NUP214: variants seen among roughly 807,000 people sequenced by gnomAD.
The protein encoded by NUP214 is nuclear pore complex protein Nup214.
NUP214 carries 79 observed loss-of-function variants against 196.2 expected under a neutral mutation model. The ratio of observed to expected loss-of-function variants is 0.40; its 90% confidence interval spans 0.34 to 0.49. The LOEUF (loss-of-function observed/expected upper bound fraction) is 0.49. Among genes scored for constraint, NUP214 ranks in the 20% least tolerant of loss-of-function variants. NUP214 has a pLI of 0.58. For missense variants in NUP214, 2,468 were observed against 2,539.0 expected (o/e 0.97, Z 0.60); for synonymous variants, 1,020 against 990.5 (o/e 1.03, Z -0.56).
intron 30 of NUP214, among the ~76,000 whole-genome samples, chr9:131,210,341 A>G (rs1046607360): frequency 6.6e-6 from 1 of 152,276 alleles, no homozygotes; most frequent in Admixed American, 6.5e-5. Context: ...AAAAAAACCA[A>G]TGGAAAGGCC....
At chr9:131,213,937 C>G (rs1374181614) in intron 30 of NUP214, among the ~76,000 whole-genome samples, 1 of 152,090 alleles carries the variant, frequency 6.6e-6, no homozygotes, top group Non-Finnish European at 1.5e-5. Context: ...GATGTCAGAG[C>G]AGTGGAAAAG....
intron 31 of NUP214, among the ~76,000 whole-genome samples, chr9:131,218,549 C>CG (rs1834467648): frequency 6.6e-6 from 1 of 152,094 alleles, no homozygotes; most frequent in African/African-American, 2.4e-5. Context: ...CTTCTTATCT[C>CG]TACCTTCTCT....
chr9:131,125,799 T>C lies in NUP214; in HGVS notation c.45+50T>C, dbSNP rs201369057. 6.5e-7 allele frequency: 1 copy of C among 1,545,556 alleles called. No homozygotes were observed. The highest frequency in any genetic ancestry group is 2.5e-5 in the East Asian group (1 of 40,492). On this transcript the variant is annotated intron_variant, in intron 1 of 35. Coordinates refer to ENST00000359428, the MANE Select transcript of NUP214 (RefSeq NM_005085.4). This position sits in a 1 kb window ranked among gnomAD's most constrained non-coding sequence, Gnocchi z 4.1. ...TCCCTTCTTTAGTCCTGGCGTTGCC[T>C]TGGAGCCCAGCTGAAAGGCGAAGCG...
chr9:131,212,782 GT>G (rs930712411), intron 30 of NUP214, among the ~76,000 whole-genome samples: 3 of 151,896 alleles, frequency 2.0e-5, no homozygotes, highest in Admixed American at 1.3e-4. Context: ...TGTAGTGATG[GT>G]TTTTTTTATA....
At position 131,162,944 on chromosome 9, in the gene NUP214, T is replaced by G. The variant is rs1164626706; in HGVS notation, c.2541-47T>G. On this transcript the variant is annotated intron_variant, in intron 18 of 35. Transcript: ENST00000359428. ...TTTGTTTTTTTACTGGGAGATTCCT[T>G]TACTTGAACCATTCATGTTTAATTC... is the stretch of plus-strand genomic sequence containing the variant. 8 of 1,589,318 alleles carry G rather than the reference T, an allele frequency of 5.0e-6. No homozygotes were observed. The Middle Eastern group carries it at 6.6e-4, about 132-fold the overall frequency.
intron 28 of NUP214, among the ~76,000 whole-genome samples, chr9:131,196,539 G>A (rs1342358226): frequency 6.6e-6 from 1 of 152,126 alleles, no homozygotes; most frequent in Non-Finnish European, 1.5e-5. Flanking sequence ...TGCGATCTTT[G>A]TAACAGCACA....
chr9:131,224,659 A>G (rs1275146441), intron 32 of NUP214, among the ~76,000 whole-genome samples: 2 of 152,192 alleles, frequency 1.3e-5, no homozygotes, highest in African/African-American at 4.8e-5. Context: ...CTTACCTCAG[A>G]TTGTGACTCA....
chr9:131,152,400 C>T (rs567792630), intron 17 of NUP214, among the ~76,000 whole-genome samples: 5 of 151,880 alleles, frequency 3.3e-5, no homozygotes, highest in East Asian at 3.9e-4. Context: ...GAATTACACG[C>T]GTGACTGGCC....
intron 30 of NUP214, among the ~76,000 whole-genome samples, chr9:131,203,280 G>A (rs897032347): frequency 6.6e-5 from 10 of 152,104 alleles, no homozygotes; most frequent in African/African-American, 2.4e-4. Flanking sequence ...ACTCATGTAA[G>A]CATCACAGCA....
chr9:131,182,250 A>G (rs1209247076), intron 24 of NUP214, among the ~76,000 whole-genome samples: 5 of 152,172 alleles, frequency 3.3e-5, no homozygotes, highest in African/African-American at 1.2e-4. Context: ...AATAAAATGG[A>G]TTTCTTATAG....
At chr9:131,144,947 C>T (rs1017182888) in intron 12 of NUP214, among the ~76,000 whole-genome samples, 193 bp downstream of exon 12, 3 of 152,108 alleles carry the variant, frequency 2.0e-5, no homozygotes, top group Non-Finnish European at 4.4e-5. Flanking sequence ...CCAGAAGGGT[C>T]TCTTAGCTAG....
Position 131,231,818 on chromosome 9 carries a change from C to T in NUP214, c.6215-466C>T, listed in dbSNP as rs555277989. ...GAAACTCCAAGGAACTAAGTGTTAG[C>T]AGTTAGCAGTAGAACCAGGCCTAGA... is the stretch of plus-strand genomic sequence containing the variant. On this transcript the variant is annotated intron_variant, in intron 34 of 35. Transcript: ENST00000359428. Among the ~76,000 whole-genome samples the T allele has an allele frequency of 2.7e-5, 4 of 147,300 alleles. No individual in the cohort carries two copies. In the East Asian group the frequency reaches 8.1e-4, roughly 30 times the overall value.
At chr9:131,159,313 C>T in intron 17 of NUP214, 70 bp from the exon 18 acceptor site, 1 of 1,015,714 alleles carries the variant, frequency 9.8e-7, no homozygotes, top group Non-Finnish European at 1.5e-6. Flanking sequence ...ATTCTTTTGA[C>T]TGTTTTGATA....
intron 9 of NUP214, among the ~76,000 whole-genome samples, chr9:131,138,044 G>A (rs1254302202): frequency 2.0e-5 from 3 of 152,092 alleles, no homozygotes; most frequent in Non-Finnish European, 4.4e-5. Context: ...TAATATGAAC[G>A]TGTCTGTTAC....
At chr9:131,157,490 A>G (rs1832492467) in intron 17 of NUP214, among the ~76,000 whole-genome samples, 3 of 107,562 alleles carry the variant, frequency 2.8e-5, no homozygotes, top group African/African-American at 1.1e-4. Flanking sequence ...TTTGAGAGAG[A>G]GTCTCACTCT....
chr9:131,228,128 T>G, intron 32 of NUP214, 32 bp from the exon 33 acceptor site: 2 of 1,527,350 alleles, frequency 1.3e-6, no homozygotes, highest in Non-Finnish European at 1.8e-6. Context: ...TCTTTCTCCC[T>G]ATTTCTGTTT....
At chr9:131,142,799 G>A (rs556569352) in intron 11 of NUP214, among the ~76,000 whole-genome samples, 4 of 152,172 alleles carry the variant, frequency 2.6e-5, no homozygotes, top group Non-Finnish European at 5.9e-5. Context: ...TCAGAAAGTG[G>A]TATTTTCATA....
rs1426121385 is a variant in NUP214 at position 131,130,640 on chromosome 9, A to AGG, written c.593-125_593-124insGG. 7.2e-6 allele frequency: 6 copies of AGG among 834,590 alleles called. No individual in the cohort carries two copies. The African/African-American group carries it at 1.0e-4, about 14-fold the overall frequency. 51.7% of individuals were successfully genotyped at this position (834,590 alleles called of 1,614,324 possible). A position where few individuals can be genotyped will look rare whatever the true frequency, so the allele number is the denominator to read the frequency against. ...TTTACTTTTTTCCACTTTGCCTGAT[A>AGG]GAGATGATCCTACAATCTTCCATGG... On this transcript the variant is annotated intron_variant, in intron 4 of 35. Coordinates refer to ENST00000359428, the MANE Select transcript of NUP214 (RefSeq NM_005085.4).
chr9:131,163,013 G>A lies in NUP214; in HGVS notation c.2563G>A (p.Glu855Lys). 1 of 1,614,146 alleles carries A rather than the reference G, an allele frequency of 6.2e-7. No individual in the cohort carries two copies. The highest frequency in any genetic ancestry group is 8.5e-7 in the Non-Finnish European group (1 of 1,180,010). The change falls in exon 19 of 36, where the codon GAG (glutamate) becomes AAG (lysine). Residue 855 changes from glutamate to lysine, a missense_variant. Around this residue, in one of 5 missense-constraint regions of NUP214, gnomAD observed 1,801 missense variants for 1,779.4 expected, o/e 1.01. Coordinates refer to ENST00000359428, the MANE Select transcript of NUP214 (RefSeq NM_005085.4). ...CAGGCACCTGCTTGTGCCAGAGCGA[G>A]AGACACTGTTTAACACCCTAGCCAA... ...KQRHLLVPERETLFNTLANNR... is the reference protein window; with the variant it reads ...KQRHLLVPERKTLFNTLANNR...
Sources: allele counts gnomAD v4.1 joint callset (sites outside exome capture counted in the v4.1 genomes callset), GRCh38; gene constraint gnomAD v4.1.1; regional missense constraint gnomAD v4.1.1; non-coding constraint Gnocchi (gnomAD v3.1); transcripts MANE v1.5; gene names NCBI Gene and HGNC (gene_info 2026-07-23, HGNC 2026-07-21).